IPO11: variants seen among roughly 807,000 people sequenced by gnomAD.
The protein encoded by IPO11 is importin 11.
Under a neutral mutation model 143.2 loss-of-function variants are expected in IPO11, and 66 were observed. That is an observed-to-expected ratio of 0.46 (90% CI 0.38 to 0.57). IPO11 has a LOEUF of 0.57. Among genes scored for constraint, IPO11 ranks in the 20% least tolerant of loss-of-function variants. IPO11 has a pLI of 0.00. For missense variants in IPO11, 1,026 were observed against 1,141.0 expected (o/e 0.90, Z 1.45); for synonymous variants, 385 against 377.8 (o/e 1.02, Z -0.22).
At chr5:62,585,988 T>C (rs1253836390) in intron 27 of IPO11, among the ~76,000 whole-genome samples, 3 of 152,188 alleles carry the variant, frequency 2.0e-5, no homozygotes, top group African/African-American at 7.2e-5. Context: ...TTTGATTCTC[T>C]GTTTTTGGTT....
chr5:62,578,919 C>T (rs1008116532), intron 27 of IPO11: 1 of 239,912 alleles, frequency 4.2e-6, no homozygotes, highest in Non-Finnish European at 8.4e-6. Flanking sequence ...GTTAATAATA[C>T]GAATTTCCTT....
chr5:62,617,569 C>A (rs1446996418), intron 29 of IPO11, among the ~76,000 whole-genome samples: 4 of 151,920 alleles, frequency 2.6e-5, no homozygotes, highest in Admixed American at 1.3e-4. Context: ...TGTTATGTAG[C>A]CATTTTACTT....
Position 62,515,494 on chromosome 5 carries a change from T to C in IPO11, c.1889T>C (p.Leu630Pro). ...GCTATTTTGACAACACTTATTCATC[T>C]TGTTCAGGTAAGTCACTTCTCCACA... ...RCAILTTLIH[L>P]VQGLGADSKN... Residue 630 changes from leucine to proline, a missense_variant, in exon 20 of 30, where the codon CTT becomes CCT. Leu to Pro is a moderately conservative substitution (Grantham distance 98). This residue lies in a region of IPO11 where 237 missense variants were observed against 288.0 expected (regional missense o/e 0.82). Coordinates refer to ENST00000325324, the MANE Select transcript of IPO11 (RefSeq NM_016338.5). The C allele has an allele frequency of 6.3e-7, 1 of 1,596,904 alleles. No homozygotes were observed. The highest frequency in any genetic ancestry group is 8.5e-7 in the Non-Finnish European group (1 of 1,171,662).
intron 27 of IPO11, among the ~76,000 whole-genome samples, chr5:62,567,501 TTTACTATTTCTACCC>T (rs1461512430): frequency 3.4e-5 from 5 of 148,334 alleles, no homozygotes; most frequent in African/African-American, 4.9e-5. Flanking sequence ...TATTATTTTT[TTTACTATTTCTACCC>T]TTTTTTCTCT....
chr5:62,531,173 T>C (rs996582399), intron 22 of IPO11, among the ~76,000 whole-genome samples: 2 of 152,106 alleles, frequency 1.3e-5, no homozygotes, highest in African/African-American at 4.8e-5. Flanking sequence ...AGTCTGTTGG[T>C]GTTGTTTGTT....
At chr5:62,413,650 A>T (rs1478426084) in intron 1 of IPO11, among the ~76,000 whole-genome samples, 9 of 152,228 alleles carry the variant, frequency 5.9e-5, no homozygotes, top group Non-Finnish European at 1.3e-4. Flanking sequence ...CCAAGGTTGC[A>T]GTTGACATAC....
chr5:62,612,941 A>G (rs1343807556), intron 29 of IPO11, among the ~76,000 whole-genome samples: 1 of 152,272 alleles, frequency 6.6e-6, no homozygotes, highest in Non-Finnish European at 1.5e-5. Context: ...AGAAGTAGAT[A>G]TGCTGGGCTG....
intron 1 of IPO11, among the ~76,000 whole-genome samples, chr5:62,423,507 G>T (rs886131443): frequency 6.6e-6 from 1 of 152,220 alleles, no homozygotes; most frequent in African/African-American, 2.4e-5. Flanking sequence ...AGCAGTTAAA[G>T]ATTTCCTCAG....
At chr5:62,580,395 A>C in intron 27 of IPO11, 1 of 1,550,770 alleles carries the variant, frequency 6.4e-7, no homozygotes, top group East Asian at 2.4e-5. Context: ...ATAATGATAC[A>C]TTTGAAAATA....
At chr5:62,563,169 T>A (rs181214299) in intron 27 of IPO11, among the ~76,000 whole-genome samples, 10 of 152,362 alleles carry the variant, frequency 6.6e-5, no homozygotes, top group Non-Finnish European at 1.5e-5. Context: ...TACCTACATT[T>A]TAACTCATTG....
chr5:62,606,506 A>AAG (rs70981028), intron 29 of IPO11, among the ~76,000 whole-genome samples: 175 of 148,014 alleles, frequency 1.2e-3, no homozygotes, highest in African/African-American at 4.1e-3. Flanking sequence ...AAAAAAAAAA[A>AAG]GGAGAACCCT....
intron 8 of IPO11, among the ~76,000 whole-genome samples, chr5:62,476,172 T>C (rs543789981): frequency 8.5e-5 from 13 of 152,166 alleles, no homozygotes; most frequent in Non-Finnish European, 1.8e-4. Context: ...ATAAAAGCCC[T>C]TCCAGGAGAG....
At chr5:62,433,890 TTTTATC>T (rs1170861955) in intron 1 of IPO11, among the ~76,000 whole-genome samples, 1 of 152,186 alleles carries the variant, frequency 6.6e-6, no homozygotes, top group Non-Finnish European at 1.5e-5. Flanking sequence ...AGGCTGTGAC[TTTTATC>T]TTTATTTCTT....
chr5:62,476,861 C>G (rs937554547), intron 9 of IPO11, 108 bp downstream of exon 9: 131 of 1,196,658 alleles, frequency 1.1e-4, no homozygotes, highest in Non-Finnish European at 1.4e-4. Context: ...GTAAGGAAAC[C>G]TATGTTCTGA....
At chr5:62,617,185 C>A (rs1488881480) in intron 29 of IPO11, among the ~76,000 whole-genome samples, 1 of 152,144 alleles carries the variant, frequency 6.6e-6, no homozygotes, top group African/African-American at 2.4e-5. Flanking sequence ...CATACTTGTT[C>A]AGATTTCTCA....
intron 27 of IPO11, among the ~76,000 whole-genome samples, chr5:62,586,693 G>T (rs1284637871): frequency 2.8e-5 from 4 of 144,644 alleles, no homozygotes; most frequent in Non-Finnish European, 6.0e-5. Flanking sequence ...GGAGATTGTG[G>T]TGAGCTGAGA....
At chr5:62,432,486 T>G (rs1736759026) in intron 1 of IPO11, among the ~76,000 whole-genome samples, 1 of 152,244 alleles carries the variant, frequency 6.6e-6, no homozygotes, top group African/African-American at 2.4e-5. Context: ...TTGGCTGTTA[T>G]GTCCCTGGAG....
intron 27 of IPO11, among the ~76,000 whole-genome samples, chr5:62,575,182 A>G (rs10058598): frequency 0.47 from 71,054 of 152,074 alleles, 16,790 homozygotes; most frequent in South Asian, 0.53. Context: ...TACTGTCATG[A>G]TATTTTCACT....
Position 62,437,297 on chromosome 5 carries a change from C to T in IPO11, c.18C>T (p.Ala6=), listed in dbSNP as rs149407029. The T allele has an allele frequency of 9.3e-6, 15 of 1,608,778 alleles. No homozygotes were observed. Among genetic ancestry groups the T allele is most frequent in the African/African-American group, 1.3e-5 (1 of 74,680 alleles). The change falls in exon 2 of 30, where the codon GCC becomes GCT. Residue 6 remains alanine, a synonymous_variant. Coordinates refer to ENST00000325324, the MANE Select transcript of IPO11 (RefSeq NM_016338.5). MDLNS[A]STVVLQVLTQ... is the part of the protein sequence containing the mutation. ...AGGTTTCCATGGATCTCAATAGTGC[C>T]AGCACTGTTGTTCTTCAGGTGTTAA...
Sources: gnomAD v4.1 joint callset for allele counts (sites outside exome capture counted in the v4.1 genomes callset) on GRCh38, gnomAD v4.1.1 for gene constraint, gnomAD v4.1.1 regional missense constraint, MANE v1.5 for transcripts, NCBI Gene and HGNC (gene_info 2026-07-23, HGNC 2026-07-21) for gene names.